C14orf39: variants seen among roughly 807,000 people sequenced by gnomAD.
The protein encoded by C14orf39 is chromosome 14 open reading frame 39, also known as protein SIX6OS1.
A neutral mutation model predicts 85.6 loss-of-function variants in C14orf39; 66 were observed. That is an observed-to-expected ratio of 0.77 (90% confidence interval 0.63 to 0.95). The LOEUF is 0.95. C14orf39 is among the 40% of genes least tolerant of loss of function. The pLI, the probability that C14orf39 is intolerant of heterozygous loss-of-function variation, is 0.00. For missense variants in C14orf39, 735 were observed against 663.9 expected, an observed-to-expected ratio of 1.11 and a Z score of -1.18; for synonymous variants, 242 against 214.0, an observed-to-expected ratio of 1.13 and a Z score of -1.14.
chr14:60,441,420 T>C (rs571876970), intron 17 of C14orf39, among the ~76,000 whole-genome samples: 2 of 152,296 alleles, frequency 1.3e-5, no homozygotes, highest in South Asian at 4.1e-4. Flanking sequence ...CCTACCATTA[T>C]CTCTTATCTT....
intron 11 of C14orf39, 21 bp downstream of exon 11, chr14:60,465,958 T>G: frequency 7.2e-7 from 1 of 1,387,384 alleles, no homozygotes; most frequent in Non-Finnish European, 9.8e-7. Flanking sequence ...TAATTTATAC[T>G]ACTAAAAGTG....
In C14orf39 at chr14:60,494,246, T is replaced by C. The variant is rs1474179009; in HGVS notation, c.-9+5050A>G. 8 of 192,446 alleles carry C rather than the reference T, an allele frequency of 4.2e-5. 1 individual carries two copies. 11.9% of individuals were successfully genotyped at this position (192,446 alleles called of 1,614,324 possible). The stretch of plus-strand genomic sequence containing the variant: ...TGGTGTTCTTGATAGGCAGCTTCTT[T>C]CCATGGCATGTCTAGTTATTGTTTA... On this transcript the variant is annotated intron_variant, in intron 2 of 5. Coordinates refer to the C14orf39 transcript ENST00000556799.
At position 60,509,650 on chromosome 14, in the gene C14orf39, C is replaced by T; in HGVS notation, c.-144+5745G>A. On this transcript the variant is annotated intron_variant, in intron 1 of 5. Coordinates refer to the C14orf39 transcript ENST00000556799. ...ACCACAAGTTCACCAAGGAGTCGCACGCCAAGCTGCAGGCGCTGTGGCTTG... is the reference window on the plus strand; with the variant it reads ...ACCACAAGTTCACCAAGGAGTCGCATGCCAAGCTGCAGGCGCTGTGGCTTG... 1.2e-6 allele frequency: 2 copies of T among 1,613,950 alleles called. No individual in the cohort carries two copies. Among genetic ancestry groups the T allele is most frequent in the Non-Finnish European group, 1.7e-6 (2 of 1,180,018 alleles).
chr14:60,444,848 A>G (rs1890685828), intron 16 of C14orf39, among the ~76,000 whole-genome samples: 1 of 152,214 alleles, frequency 6.6e-6, no homozygotes, highest in Non-Finnish European at 1.5e-5. Flanking sequence ...CCACAATCCC[A>G]TCAGACTAAC....
At chr14:60,507,616 A>G (rs1052372066) in intron 1 of C14orf39, among the ~76,000 whole-genome samples, 2 of 151,958 alleles carry the variant, frequency 1.3e-5, no homozygotes, top group Non-Finnish European at 2.9e-5. Flanking sequence ...AAGATCTGTG[A>G]AAATAATATC....
chr14:60,485,832 C>G (rs1452212289), intron 1 of C14orf39, 113 bp downstream of exon 1: 1 of 152,278 alleles, frequency 6.6e-6, no homozygotes, highest in East Asian at 1.9e-4. Flanking sequence ...AAGGCGACTC[C>G]GGTCGCTCTG....
At chr14:60,483,623 C>T in intron 4 of C14orf39, 68 bp downstream of exon 4, 2 of 1,383,984 alleles carry the variant, frequency 1.4e-6, no homozygotes, top group South Asian at 1.4e-5. Flanking sequence ...AAGGAAGTAT[C>T]TTCAACTGTA....
At chr14:60,472,133 G>C (rs532787345) in intron 5 of C14orf39, among the ~76,000 whole-genome samples, 50 of 152,062 alleles carry the variant, frequency 3.3e-4, no homozygotes, top group African/African-American at 1.2e-3. Flanking sequence ...CCTGGCTTCT[G>C]AGTCTCTACT....
At chr14:60,475,023 T>C (rs1376897311) in intron 5 of C14orf39, among the ~76,000 whole-genome samples, 1 of 152,206 alleles carries the variant, frequency 6.6e-6, no homozygotes, top group African/African-American at 2.4e-5. Context: ...TGTGAATCCA[T>C]CTGGTCCTGG....
Position 60,438,284 on chromosome 14 carries a change from T to A in C14orf39, c.1562-1237A>T, listed in dbSNP as rs188398949. Among the ~76,000 whole-genome samples the A allele has an allele frequency of 2.3e-3, 354 of 152,212 alleles. 1 individual carries two copies. The highest frequency in any genetic ancestry group is 4.1e-3 in the Non-Finnish European group (276 of 67,962). On this transcript the variant is annotated intron_variant, in intron 17 of 17. Coordinates refer to ENST00000321731, the MANE Select transcript of C14orf39 (RefSeq NM_174978.3). ...CAGATGGATAGATGGACAGACTGAC[T>A]ACCAGATACTTGTGTTCTTCCCCTC...
At chr14:60,514,813 T>C in intron 1 of C14orf39, among the ~76,000 whole-genome samples, 1 of 152,202 alleles carries the variant, frequency 6.6e-6, no homozygotes, top group Non-Finnish European at 1.5e-5. Context: ...TTTCGCTCTA[T>C]TCAACGGGGA....
intron 17 of C14orf39, among the ~76,000 whole-genome samples, chr14:60,437,334 A>C (rs1890301293): frequency 6.6e-6 from 1 of 152,034 alleles, no homozygotes; most frequent in Non-Finnish European, 1.5e-5. Context: ...TCAAATGAAG[A>C]GACTGATACA....
At chr14:60,450,110 T>C (rs1213494868) in intron 16 of C14orf39, among the ~76,000 whole-genome samples, 4 of 152,196 alleles carry the variant, frequency 2.6e-5, no homozygotes. Flanking sequence ...CTATGGTGGC[T>C]ATGGTAAAAG....
intron 16 of C14orf39, among the ~76,000 whole-genome samples, chr14:60,444,152 T>C (rs1053358559): frequency 1.6e-4 from 25 of 152,282 alleles, no homozygotes; most frequent in African/African-American, 6.0e-4. Context: ...CTCAAAAGGA[T>C]TGCTGCTCCT....
At chr14:60,483,572 A>AT in intron 4 of C14orf39, 119 bp downstream of exon 4, 1 of 836,092 alleles carries the variant, frequency 1.2e-6, no homozygotes, top group Non-Finnish European at 1.8e-6. Flanking sequence ...AACAAGGCAC[A>AT]TTAAGACTTG....
chr14:60,451,726 T>C (rs1182738632), intron 16 of C14orf39, among the ~76,000 whole-genome samples: 1 of 149,142 alleles, frequency 6.7e-6, no homozygotes, highest in Non-Finnish European at 1.5e-5. Flanking sequence ...TTAGGAGATA[T>C]ACCTAATGTA....
chr14:60,477,852 C>G (rs1401605983), intron 5 of C14orf39, among the ~76,000 whole-genome samples: 1 of 151,930 alleles, frequency 6.6e-6, no homozygotes, highest in Non-Finnish European at 1.5e-5. Flanking sequence ...TTCCACTGCA[C>G]CCAAGGAGTC....
Position 60,461,496 on chromosome 14 carries a change from T to G in C14orf39, c.1058+12A>C. On this transcript the variant is annotated intron_variant, in intron 12 of 17. Coordinates refer to ENST00000321731, the MANE Select transcript of C14orf39 (RefSeq NM_174978.3). ...TCAGAGATTAAAGCATTTTCTTATTTTAAAAAGTTACCTGACTTGCATAAA... is the reference window on the plus strand; with the variant it reads ...TCAGAGATTAAAGCATTTTCTTATTGTAAAAAGTTACCTGACTTGCATAAA... The G allele has an allele frequency of 6.3e-7, 1 of 1,581,692 alleles. No individual in the cohort carries two copies. Among genetic ancestry groups the G allele is most frequent in the African/African-American group, 1.4e-5 (1 of 73,224 alleles).
chr14:60,480,601 G>C (rs972920596), intron 4 of C14orf39, among the ~76,000 whole-genome samples: 1 of 152,102 alleles, frequency 6.6e-6, no homozygotes, highest in Admixed American at 6.6e-5. Flanking sequence ...TCCCACTTTT[G>C]AGTATTCGTC....
Sources: gnomAD v4.1 joint callset for allele counts (sites outside exome capture counted in the v4.1 genomes callset) on GRCh38, gnomAD v4.1.1 for gene constraint, MANE v1.5 for transcripts, NCBI Gene and HGNC (gene_info 2026-07-23, HGNC 2026-07-21) for gene names.